The following COG1 variants were observed in gnomAD, a reference collection of about 807,000 sequenced individuals.
COG1 encodes the protein conserved oligomeric Golgi complex subunit 1.
In COG1, 61 loss-of-function variants were observed where a neutral mutation model predicts 102.2. The ratio of observed to expected loss-of-function variants is 0.60; its 90% CI spans 0.49 to 0.74. The LOEUF (loss-of-function observed/expected upper bound fraction) is 0.74. COG1 is among the 30% of genes least tolerant of loss of function. The pLI is 0.00. For missense variants in COG1, 1,164 were observed against 1,232.1 expected (o/e 0.94, Z 0.83); for synonymous variants, 454 against 493.6 (o/e 0.92, Z 1.06).
chr17:73,207,871 G>A (rs2061387819), intron 13 of COG1: 5 of 1,196,712 alleles, frequency 4.2e-6, no homozygotes, highest in South Asian at 3.2e-5. Flanking sequence ...CCCTACCATC[G>A]AACCCATTAA....
At chr17:73,202,242 G>A (rs2145099202) in intron 7 of COG1, among the ~76,000 whole-genome samples, 1 of 152,312 alleles carries the variant, frequency 6.6e-6, no homozygotes, top group Non-Finnish European at 1.5e-5. Context: ...GGAAGGCTGA[G>A]GCAGGAGAAT....
intron 11 of COG1, 81 bp downstream of exon 11, chr17:73,206,343 A>G: frequency 9.5e-7 from 1 of 1,047,294 alleles, no homozygotes; most frequent in Non-Finnish European, 1.5e-6. Flanking sequence ...CAAGCACGTA[A>G]TACTCCAGGA....
Position 73,197,272 on chromosome 17 carries a change from C to T in COG1, c.789C>T (p.Ala263=). The change falls in exon 4 of 14, where the codon GCC becomes GCT. Residue 263 remains alanine (A), a synonymous_variant. Transcript: ENST00000299886. ...AQICSLVELL[A]TTLKQAHALF... ...TTTGCTCATTAGTGGAGTTGCTGGC[C>T]ACCACTCTGAAGCAAGCTCATGCCC... is the stretch of plus-strand genomic sequence containing the variant. 3 of 1,614,202 alleles carry T rather than the reference C, an allele frequency of 1.9e-6. No homozygotes were observed. Among genetic ancestry groups the T allele is most frequent in the Non-Finnish European group, 2.5e-6 (3 of 1,180,042 alleles).
At chr17:73,198,918 T>C (rs1197273154) in intron 4 of COG1, among the ~76,000 whole-genome samples, 3 of 151,948 alleles carry the variant, frequency 2.0e-5, no homozygotes, top group Non-Finnish European at 2.9e-5. Context: ...CAGAGAGAGG[T>C]GCTTAATGTC....
At position 73,205,591 on chromosome 17, in the gene COG1, G is replaced by A; in HGVS notation, c.2421G>A (p.Leu807=). ...TTCCAGTCACCCAGAACCGGGCGCTGCAGCTGCTTTATGATCTGCGTTACC... is the reference window on the plus strand; with the variant it reads ...TTCCAGTCACCCAGAACCGGGCGCTACAGCTGCTTTATGATCTGCGTTACC... ...GAFPVTQNRA[L]QLLYDLRYLN... Residue 807 remains leucine, a synonymous_variant, in exon 10 of 14, where the codon CTG becomes CTA. Transcript: ENST00000299886. 1 of 1,614,162 alleles carries A rather than the reference G, an allele frequency of 6.2e-7. No individual in the cohort carries two copies.
Position 73,201,103 on chromosome 17 carries a change from T to C in COG1, c.1282-6T>C, listed in dbSNP as rs2061345011. The C allele has an allele frequency of 6.2e-7, 1 of 1,613,516 alleles. No homozygotes were observed. Among genetic ancestry groups the C allele is most frequent in the Non-Finnish European group, 8.5e-7 (1 of 1,179,574 alleles). On this transcript the variant is annotated splice_region_variant and splice_polypyrimidine_tract_variant and intron_variant, in intron 6 of 13. Coordinates refer to ENST00000299886, the MANE Select transcript of COG1 (RefSeq NM_018714.3). ...TGATTAGAACTCTTCTCTCATTCTC[T>C]TTTAGACTCTGACAAAAGAAGGCTT...
chr17:73,193,435 C>T, intron 1 of COG1, 51 bp downstream of exon 1: 1 of 1,383,086 alleles, frequency 7.2e-7, no homozygotes, highest in Non-Finnish European at 9.3e-7. Flanking sequence ...CCCGGAGCCC[C>T]TGGCCTTGCA....
Position 73,205,498 on chromosome 17 carries a change from G to A in COG1, c.2383-55G>A, listed in dbSNP as rs146709965. 131 of 1,600,506 alleles carry A rather than the reference G, an allele frequency of 8.2e-5. No homozygotes were observed. The African/African-American group carries it at 1.4e-3, about 17-fold the overall frequency. ...ACCAAAACTTGAAGCTGTTTATTAC[G>A]CTCACATACCAAGTCCTCTCTCTTC... On this transcript the variant is annotated intron_variant, in intron 9 of 13. Coordinates refer to ENST00000299886, the MANE Select transcript of COG1 (RefSeq NM_018714.3).
At chr17:73,202,253 G>C (rs2061350226) in intron 7 of COG1, among the ~76,000 whole-genome samples, 1 of 152,032 alleles carries the variant, frequency 6.6e-6, no homozygotes, top group Non-Finnish European at 1.5e-5. Flanking sequence ...GCAGGAGAAT[G>C]GTGTGAACCC....
At chr17:73,206,482 TAC>T (rs781329339) in intron 11 of COG1, among the ~76,000 whole-genome samples, 5 of 152,108 alleles carry the variant, frequency 3.3e-5, no homozygotes, top group South Asian at 2.1e-4. Flanking sequence ...TAAGGATTAT[TAC>T]AGTTTTATCC....
intron 11 of COG1, 67 bp from the exon 12 acceptor site, chr17:73,206,641 T>C: frequency 1.5e-6 from 1 of 689,080 alleles, no homozygotes; most frequent in South Asian, 2.4e-5. Flanking sequence ...GACTAACCTT[T>C]TTTTTTTTTT....
rs1298588933 is a variant in COG1 at position 73,205,564 on chromosome 17, A to G, written c.2394A>G (p.Ala798=). ...GAATTCATTTGCAGAAAGAAGGTGC[A>G]TTTCCAGTCACCCAGAACCGGGCGC... The part of the protein sequence containing the change: ...SEEKQIKKEG[A]FPVTQNRALQ... Residue 798 remains alanine, a synonymous_variant, in exon 10 of 14, where the codon GCA becomes GCG. Coordinates refer to ENST00000299886, the MANE Select transcript of COG1 (RefSeq NM_018714.3). The G allele has an allele frequency of 1.2e-6, 2 of 1,614,170 alleles. No homozygotes were observed. The highest frequency in any genetic ancestry group is 1.7e-5 in the Admixed American group (1 of 60,012).
chr17:73,204,011 A>AAGGC (rs1190089397), intron 9 of COG1, among the ~76,000 whole-genome samples: 1 of 152,068 alleles, frequency 6.6e-6, no homozygotes, highest in Non-Finnish European at 1.5e-5. Flanking sequence ...CTTCGCTAAG[A>AAGGC]AGGCAGCTCA....
intron 8 of COG1, 159 bp downstream of exon 8, chr17:73,203,305 T>G: frequency 1.1e-6 from 1 of 927,730 alleles, no homozygotes; most frequent in Non-Finnish European, 1.7e-6. Context: ...GCTAAGTAAA[T>G]GGCAGACTGT....
chr17:73,202,661 G>T (rs536547763), intron 7 of COG1, among the ~76,000 whole-genome samples: 1 of 152,112 alleles, frequency 6.6e-6, no homozygotes. Flanking sequence ...GATGGTGCAC[G>T]CCTGTAGTCC....
intron 1 of COG1, among the ~76,000 whole-genome samples, chr17:73,194,609 A>G (rs1018496045): frequency 1.8e-4 from 27 of 151,890 alleles, no homozygotes; most frequent in African/African-American, 6.3e-4. Flanking sequence ...GATTACAGGC[A>G]CCTGCCACCA....
Position 73,197,216 on chromosome 17 carries a change from C to G in COG1, c.743-10C>G, listed in dbSNP as rs185592690. On this transcript the variant is annotated splice_polypyrimidine_tract_variant and intron_variant, in intron 3 of 13. Coordinates refer to ENST00000299886, the MANE Select transcript of COG1 (RefSeq NM_018714.3). ...GTAATTGTTTCAAAGAGGATGGTTT[C>G]TTCTTTTAGGTGCTGGTATCAAGGC... is the stretch of plus-strand genomic sequence containing the variant. 8.1e-5 allele frequency: 130 copies of G among 1,614,188 alleles called. No individual in the cohort carries two copies. In the Admixed American group the frequency reaches 2.1e-3, roughly 26 times the overall value.
intron 13 of COG1, chr17:73,208,063 G>T: frequency 7.2e-7 from 1 of 1,395,374 alleles, no homozygotes. Context: ...AGGCTGTGGA[G>T]AGAAGTGCCT....
In COG1 at chr17:73,206,730, G is replaced by A; in HGVS notation, c.2642G>A (p.Gly881Asp). 2 of 1,612,460 alleles carry A rather than the reference G, an allele frequency of 1.2e-6. No individual in the cohort carries two copies. The highest frequency in any genetic ancestry group is 1.7e-6 in the Non-Finnish European group (2 of 1,179,722). Reference sequence around the variant, plus strand: ...CAGGTTCTGTTTGGATTGGTGACTGGTACAGAGAATCAGCTCGCCCCCCGG... The same window carrying A: ...CAGGTTCTGTTTGGATTGGTGACTGATACAGAGAATCAGCTCGCCCCCCGG... ...RTSVLFGLVT[G>D]TENQLAPRSS... is the part of the protein sequence containing the mutation. Residue 881 changes from glycine to aspartate, a missense_variant, in exon 12 of 14, where the codon GGT becomes GAT. Transcript: ENST00000299886.
Sources: gnomAD v4.1 joint callset for allele counts (sites outside exome capture counted in the v4.1 genomes callset) on GRCh38, gnomAD v4.1.1 for gene constraint, MANE v1.5 for transcripts, NCBI Gene and HGNC (gene_info 2026-07-23, HGNC 2026-07-21) for gene names.